RPS6KC1: variants seen among roughly 807,000 people sequenced by gnomAD.
RPS6KC1 encodes the protein ribosomal protein S6 kinase C1.
Under a neutral mutation model 103.8 loss-of-function variants are expected in RPS6KC1, and 54 were observed. That is an observed-to-expected ratio of 0.52 (90% CI 0.42 to 0.65). RPS6KC1 has a LOEUF of 0.65. Among genes scored for constraint, RPS6KC1 ranks in the 30% least tolerant of loss-of-function variants. The probability of loss-of-function intolerance (pLI) is 0.00; values close to 1 mark genes in which losing one functional copy is unlikely to be tolerated. For synonymous variants in RPS6KC1, 439 were observed against 438.7 expected, an observed-to-expected ratio of 1.00 and a Z score of -0.01; for missense variants, 1,151 against 1,253.8, an observed-to-expected ratio of 0.92 and a Z score of 1.24.
chr1:213,101,888 G>T (rs1378333303), intron 3 of RPS6KC1, among the ~76,000 whole-genome samples: 1 of 152,026 alleles, frequency 6.6e-6, no homozygotes, highest in Non-Finnish European at 1.5e-5. Context: ...ATTTAATCTA[G>T]TTGGCCAGTA....
chr1:213,158,443 TG>T (rs2090134453), intron 6 of RPS6KC1, among the ~76,000 whole-genome samples: 1 of 152,230 alleles, frequency 6.6e-6, no homozygotes. Flanking sequence ...GCTTGGCAGC[TG>T]GGAAACTCTC....
the RPS6KC1 span, among the ~76,000 whole-genome samples, chr1:213,410,118 G>A: frequency 6.6e-6 from 1 of 152,218 alleles, no homozygotes; most frequent in Non-Finnish European, 1.5e-5. Context: ...TCATGCCACT[G>A]CACTCCAGCT....
At chr1:213,762,749 G>C in the RPS6KC1 span, among the ~76,000 whole-genome samples, 7 of 152,120 alleles carry the variant, frequency 4.6e-5, no homozygotes, top group African/African-American at 4.8e-5. Context: ...GCTGTGTGAG[G>C]ACCTTTTTTG....
At chr1:213,831,520 T>C in the RPS6KC1 span, among the ~76,000 whole-genome samples, 1 of 152,214 alleles carries the variant, frequency 6.6e-6, no homozygotes, top group Non-Finnish European at 1.5e-5. Flanking sequence ...ACTTCTAATG[T>C]CTGGAACTAT....
chr1:213,729,956 G>A, the RPS6KC1 span, among the ~76,000 whole-genome samples: 11,860 of 152,082 alleles, frequency 0.078, 605 homozygotes, highest in Middle Eastern at 0.18. Context: ...CCCAGTGTCT[G>A]TTGTTCCCCT....
At chr1:213,723,718 T>C in the RPS6KC1 span, among the ~76,000 whole-genome samples, 25 of 152,306 alleles carry the variant, frequency 1.6e-4, no homozygotes, top group African/African-American at 5.5e-4. Context: ...GGAATTTTAT[T>C]CAATTCATTT....
At chr1:213,382,721 A>T in the RPS6KC1 span, among the ~76,000 whole-genome samples, 4 of 152,184 alleles carry the variant, frequency 2.6e-5, no homozygotes, top group South Asian at 8.3e-4. Flanking sequence ...TTCATCTCAG[A>T]GTTCAGCCAT....
the RPS6KC1 span, among the ~76,000 whole-genome samples, chr1:213,292,284 C>G: frequency 7.2e-5 from 11 of 151,934 alleles, no homozygotes; most frequent in African/African-American, 2.7e-4. Context: ...AAAAACAAAA[C>G]AAAACAAAAA....
At chr1:213,769,136 A>G in the RPS6KC1 span, among the ~76,000 whole-genome samples, 1 of 152,202 alleles carries the variant, frequency 6.6e-6, no homozygotes. Flanking sequence ...GAGTGCATTT[A>G]AGTAGCAGTA....
chr1:213,320,463 T>C, the RPS6KC1 span, among the ~76,000 whole-genome samples: 19 of 152,246 alleles, frequency 1.2e-4, no homozygotes, highest in South Asian at 2.1e-3. Context: ...ATGCCGTTTA[T>C]TAATAAATGT....
rs1167092612 is a variant in RPS6KC1 at position 213,181,281 on chromosome 1, C to A, written c.1044+4789C>A. On this transcript the variant is annotated intron_variant, in intron 8 of 14. Transcript: ENST00000366960. ...GCCCAAATTTATTGTCACTGAAAAA[C>A]AACTTAAATATGCTTTGCAAGTCAT... Among the ~76,000 whole-genome samples, 4 of 152,314 alleles carry A rather than the reference C, an allele frequency of 2.6e-5. No homozygotes were observed. The South Asian group carries it at 8.3e-4, about 32-fold the overall frequency.
At chr1:213,812,861 C>T in the RPS6KC1 span, among the ~76,000 whole-genome samples, 34 of 152,170 alleles carry the variant, frequency 2.2e-4, no homozygotes, top group East Asian at 1.9e-4. Context: ...ACAGCAGTCC[C>T]GAAGGGCTTG....
At chr1:213,149,492 T>C (rs907350693) in intron 6 of RPS6KC1, among the ~76,000 whole-genome samples, 8 of 152,244 alleles carry the variant, frequency 5.3e-5, no homozygotes, top group Non-Finnish European at 1.2e-4. Flanking sequence ...TTTTGTTCCA[T>C]TGTGGTCAGA....
intron 5 of RPS6KC1, among the ~76,000 whole-genome samples, chr1:213,121,016 G>A (rs2084319036): frequency 6.6e-6 from 1 of 152,142 alleles, no homozygotes; most frequent in Non-Finnish European, 1.5e-5. Flanking sequence ...CAGCCTTCAT[G>A]TCCTGGGCTC....
At chr1:213,141,286 C>A (rs1304677088) in intron 6 of RPS6KC1, among the ~76,000 whole-genome samples, 1 of 151,990 alleles carries the variant, frequency 6.6e-6, no homozygotes, top group Non-Finnish European at 1.5e-5. Context: ...ATTACTGATT[C>A]AGTTTTGCAA....
chr1:213,489,105 A>C, the RPS6KC1 span, among the ~76,000 whole-genome samples: 1 of 152,206 alleles, frequency 6.6e-6, no homozygotes, highest in Non-Finnish European at 1.5e-5. Context: ...ACATACATAC[A>C]TGCAAGAAAA....
chr1:213,163,382 A>C (rs577994909), intron 6 of RPS6KC1, among the ~76,000 whole-genome samples: 13 of 152,358 alleles, frequency 8.5e-5, no homozygotes, highest in African/African-American at 2.9e-4. Flanking sequence ...AATGTGACTA[A>C]GTAGAGTCTT....
At chr1:213,080,511 T>A (rs2079771565) in intron 3 of RPS6KC1, among the ~76,000 whole-genome samples, 1 of 152,206 alleles carries the variant, frequency 6.6e-6, no homozygotes, top group Non-Finnish European at 1.5e-5. Context: ...TCTTTAATAG[T>A]CATAATTAAG....
the RPS6KC1 span, among the ~76,000 whole-genome samples, chr1:213,647,232 T>C: frequency 1.3e-5 from 2 of 152,126 alleles, no homozygotes; most frequent in Non-Finnish European, 2.9e-5. Context: ...TATTTTTGAA[T>C]CATGATTTGA....
Sources: allele counts gnomAD v4.1 joint callset (sites outside exome capture counted in the v4.1 genomes callset), GRCh38; gene constraint gnomAD v4.1.1; transcripts MANE v1.5; gene names NCBI Gene and HGNC (gene_info 2026-07-23, HGNC 2026-07-21).